ARMC3: variants seen among roughly 807,000 people sequenced by gnomAD.
ARMC3 encodes the protein armadillo repeat-containing protein 3.
A neutral mutation model predicts 90.3 loss-of-function variants in ARMC3; 74 were observed. The ratio of observed to expected loss-of-function variants is 0.82; its 90% confidence interval spans 0.68 to 0.99. ARMC3 has a LOEUF of 0.99. Among genes scored for constraint, ARMC3 ranks in the 50% least tolerant of loss-of-function variants. The probability of loss-of-function intolerance (pLI) is 0.00; values close to 1 mark genes in which losing one functional copy is unlikely to be tolerated. For missense variants in ARMC3, 958 were observed against 1,042.8 expected, an observed-to-expected ratio of 0.92 and a Z score of 1.12; for synonymous variants, 334 against 361.8, an observed-to-expected ratio of 0.92 and a Z score of 0.87.
At chr10:22,974,280 T>A (rs186141653) in intron 8 of ARMC3, among the ~76,000 whole-genome samples, 194 of 152,248 alleles carry the variant, frequency 1.3e-3, no homozygotes, top group African/African-American at 4.2e-3. Flanking sequence ...ATAATTAGGG[T>A]TAAGGGAATA....
chr10:22,943,877 T>C (rs1588821581), intron 2 of ARMC3, among the ~76,000 whole-genome samples: 2 of 150,426 alleles, frequency 1.3e-5, no homozygotes, highest in East Asian at 3.9e-4. Flanking sequence ...GAGGTTGCAG[T>C]GAGCCAAGAT....
chr10:22,990,447 T>G (rs956117192), intron 10 of ARMC3, among the ~76,000 whole-genome samples: 2 of 152,196 alleles, frequency 1.3e-5, no homozygotes, highest in Non-Finnish European at 1.5e-5. Context: ...GATCTTACGT[T>G]TCCATGATCT....
intron 8 of ARMC3, among the ~76,000 whole-genome samples, chr10:22,978,910 C>T (rs1036638025): frequency 1.2e-4 from 19 of 152,140 alleles, no homozygotes; most frequent in Non-Finnish European, 1.5e-4. Flanking sequence ...GAAACACAGT[C>T]GAAACGTCCA....
intron 2 of ARMC3, among the ~76,000 whole-genome samples, chr10:22,942,081 G>C (rs1469430065): frequency 6.6e-6 from 1 of 152,204 alleles, no homozygotes; most frequent in East Asian, 1.9e-4. Flanking sequence ...TGCTTTAGCA[G>C]AAGTGTTATT....
intron 10 of ARMC3, among the ~76,000 whole-genome samples, chr10:22,982,761 A>G (rs1000768072): frequency 1.3e-5 from 2 of 152,140 alleles, no homozygotes; most frequent in Non-Finnish European, 2.9e-5. Flanking sequence ...GCTTTCATTT[A>G]TTATTGCTTT....
intron 8 of ARMC3, among the ~76,000 whole-genome samples, chr10:22,975,864 T>C (rs1347852020): frequency 6.6e-6 from 1 of 152,238 alleles, no homozygotes; most frequent in Non-Finnish European, 1.5e-5. Context: ...TGAATACTTA[T>C]TTTTAGACCA....
intron 16 of ARMC3, among the ~76,000 whole-genome samples, chr10:23,026,575 GA>G (rs144057169): frequency 1.3e-5 from 2 of 151,878 alleles, no homozygotes; most frequent in African/African-American, 4.8e-5. Flanking sequence ...TAAAACTGTT[GA>G]AAAAAGGCAT....
intron 2 of ARMC3, among the ~76,000 whole-genome samples, chr10:22,935,125 A>G (rs528215515): frequency 6.6e-6 from 1 of 152,348 alleles, no homozygotes; most frequent in East Asian, 1.9e-4. Context: ...TTAACTGAAC[A>G]TTTATGTTAA....
chr10:22,938,806 GCCTAGTCGCCCAAGGAATTTCAA>G (rs1357165465), intron 2 of ARMC3, among the ~76,000 whole-genome samples: 15 of 152,114 alleles, frequency 9.9e-5, no homozygotes, highest in Non-Finnish European at 1.6e-4. Context: ...AAGCAAGCAA[GCCTAGTCGCCCAAGGAATTTCAA>G]CCCCCAAACC....
intron 2 of ARMC3, 67 bp from the exon 3 acceptor site, chr10:22,946,077 C>T: frequency 8.9e-7 from 1 of 1,119,440 alleles, no homozygotes. Flanking sequence ...GTTTTAAGAC[C>T]CATTCATTTT....
At chr10:22,951,020 C>A (rs1169386647) in intron 3 of ARMC3, among the ~76,000 whole-genome samples, 1 of 151,414 alleles carries the variant, frequency 6.6e-6, no homozygotes, top group African/African-American at 2.4e-5. Flanking sequence ...TCACTGCAAG[C>A]TCCGCCTCCC....
At position 22,981,886 on chromosome 10, in the gene ARMC3, C is replaced by T. The variant is rs1370646510; in HGVS notation, c.1175+186C>T. Among the ~76,000 whole-genome samples the T allele has an allele frequency of 2.6e-5, 4 of 152,288 alleles. No individual in the cohort carries two copies. In the East Asian group the frequency reaches 5.8e-4, roughly 22 times the overall value. ...ATGGGTCTGTTTTCCAAAAATATTA[C>T]AAAATCTTTACTGTTTCTGAGTTTG... On this transcript the variant is annotated intron_variant, in intron 10 of 18. Transcript: ENST00000298032.
At chr10:22,961,054 G>A (rs1186696441) in intron 6 of ARMC3, 1 of 152,190 alleles carries the variant, frequency 6.6e-6, no homozygotes, top group Non-Finnish European at 1.5e-5. Context: ...TGAGGTACTG[G>A]GGTTAGGACT....
chr10:23,007,065 A>G (rs1837653306), intron 14 of ARMC3, 84 bp downstream of exon 14: 1 of 1,142,616 alleles, frequency 8.8e-7, no homozygotes, highest in African/African-American at 1.5e-5. Flanking sequence ...GAATATGCAA[A>G]GATTCCCAGA....
chr10:23,014,381 C>T, intron 16 of ARMC3: 1 of 1,224,950 alleles, frequency 8.2e-7, no homozygotes. Context: ...TAGCCATAGC[C>T]CTGTTGTCCT....
Position 22,981,388 on chromosome 10 carries a change from T to G in ARMC3, c.965T>G (p.Val322Gly). The G allele has an allele frequency of 6.2e-7, 1 of 1,613,818 alleles. No homozygotes were observed. Among genetic ancestry groups the G allele is most frequent in the South Asian group, 1.1e-5 (1 of 90,968 alleles). Residue 322 changes from valine (V) to glycine (G), a missense_variant, in exon 9 of 19, where the codon GTA becomes GGA. By Grantham distance (109) the Val-to-Gly change is moderately radical. Transcript: ENST00000298032. Reference sequence around the variant, plus strand: ...GAACAAGAGGTTGAAAAGTGCCTTGTAGCCCTTTTGGGTTCTGAAAATGAT... The same window carrying G: ...GAACAAGAGGTTGAAAAGTGCCTTGGAGCCCTTTTGGGTTCTGAAAATGAT... ...FHEQEVEKCL[V>G]ALLGSENDGT...
At chr10:23,014,139 G>T in intron 16 of ARMC3, 1 of 1,544,154 alleles carries the variant, frequency 6.5e-7, no homozygotes, top group Non-Finnish European at 8.7e-7. Context: ...AGCACTCCTA[G>T]GATTTAAGAG....
At chr10:22,933,188 AT>A (rs1452308049) in intron 2 of ARMC3, among the ~76,000 whole-genome samples, 20 of 152,118 alleles carry the variant, frequency 1.3e-4, no homozygotes, top group African/African-American at 4.3e-4. Flanking sequence ...AGGGGTAGAC[AT>A]TGTGATCTCA....
At chr10:22,962,099 C>T in intron 7 of ARMC3, 21 bp downstream of exon 7, 1 of 1,481,034 alleles carries the variant, frequency 6.8e-7, no homozygotes, top group Middle Eastern at 1.8e-4. Flanking sequence ...TCATTCATTC[C>T]ACCCTCTATG....
Sources: allele counts gnomAD v4.1 joint callset (sites outside exome capture counted in the v4.1 genomes callset), GRCh38; gene constraint gnomAD v4.1.1; transcripts MANE v1.5; gene names NCBI Gene and HGNC (gene_info 2026-07-23, HGNC 2026-07-21).